SAXO5: variants seen among roughly 807,000 people sequenced by gnomAD.
SAXO5 encodes the protein testis expressed 45.
chr19:7,507,023 C>T, the SAXO5 span: 2 of 1,578,106 alleles, frequency 1.3e-6, no homozygotes, highest in East Asian at 2.2e-5. Context: ...CGGCCCACAG[C>T]CCTCACTCAG....
At chr19:7,503,469 G>C in the SAXO5 span, among the ~76,000 whole-genome samples, 89 of 151,928 alleles carry the variant, frequency 5.9e-4, no homozygotes, top group Middle Eastern at 3.4e-3. Context: ...GATATTATTG[G>C]GGTTTTTTTG....
chr19:7,505,301 A>G, the SAXO5 span: 15 of 1,607,564 alleles, frequency 9.3e-6, no homozygotes, highest in African/African-American at 1.3e-5. Flanking sequence ...CTTATTCTTG[A>G]TGGAATAATA....
the SAXO5 span, among the ~76,000 whole-genome samples, chr19:7,504,976 CT>C: frequency 5.6e-4 from 77 of 138,412 alleles, no homozygotes; most frequent in Admixed American, 1.1e-3. Flanking sequence ...TCTTCTTCTT[CT>C]TTTTTTTTTT....
the SAXO5 span, chr19:7,501,383 G>T: frequency 2.0e-6 from 3 of 1,502,024 alleles, no homozygotes; most frequent in South Asian, 1.3e-5. Flanking sequence ...AGCCTCGCGC[G>T]CCCAGTTGCC....
At chr19:7,506,250 C>G in the SAXO5 span, 1 of 1,059,038 alleles carries the variant, frequency 9.4e-7, no homozygotes. Context: ...TGGAGCCCCT[C>G]CCCATGGAGC....
the SAXO5 span, chr19:7,501,342 G>A: frequency 1.9e-6 from 3 of 1,560,382 alleles, no homozygotes; most frequent in Admixed American, 1.8e-5. Flanking sequence ...CACGCACCAG[G>A]CGCTCTTTCC....
At chr19:7,507,078 C>T in the SAXO5 span, 1 of 1,614,054 alleles carries the variant, frequency 6.2e-7, no homozygotes, top group African/African-American at 1.3e-5. Context: ...TAACCATGAA[C>T]CAGAAGATGC....
chr19:7,506,185 C>T, the SAXO5 span: 1 of 1,569,426 alleles, frequency 6.4e-7, no homozygotes, highest in Non-Finnish European at 8.6e-7. Flanking sequence ...CCCGGGAAGC[C>T]CCGCCCCATG....
At chr19:7,506,005 T>C in the SAXO5 span, 3 of 1,598,694 alleles carry the variant, frequency 1.9e-6, no homozygotes, top group African/African-American at 4.0e-5. Flanking sequence ...ACGTGCCTCA[T>C]GAGAAATTGC....
At chr19:7,501,220 G>C in the SAXO5 span, 4 of 1,546,936 alleles carry the variant, frequency 2.6e-6, no homozygotes, top group African/African-American at 5.7e-5. Flanking sequence ...GCCGCCTACG[G>C]CTGGCCCGAG....
the SAXO5 span, chr19:7,505,815 A>G: frequency 1.5e-5 from 14 of 949,384 alleles, no homozygotes; most frequent in East Asian, 2.6e-5. Flanking sequence ...GTAAAATGAG[A>G]TAAGAGTACC....
the SAXO5 span, chr19:7,506,906 C>G: frequency 3.2e-6 from 2 of 625,654 alleles, no homozygotes; most frequent in African/African-American, 3.7e-5. Flanking sequence ...TGGCTCCTCC[C>G]TCCCCCCTCT....
chr19:7,501,441 T>C, the SAXO5 span: 1 of 1,437,460 alleles, frequency 7.0e-7, no homozygotes, highest in East Asian at 2.7e-5. Flanking sequence ...TGCTTCACAT[T>C]GTGGTTCTCA....
At chr19:7,505,753 T>A in the SAXO5 span, 1 of 1,022,514 alleles carries the variant, frequency 9.8e-7, no homozygotes, top group Non-Finnish European at 1.4e-6. Flanking sequence ...TGTACTTGAG[T>A]GATCTAGGGC....
chr19:7,501,456 G>C, the SAXO5 span: 34 of 1,409,466 alleles, frequency 2.4e-5, no homozygotes, highest in Non-Finnish European at 3.0e-5. Flanking sequence ...TTCTCAAACA[G>C]GGGCAAGGGC....
chr19:7,498,035 C>T, the SAXO5 span, among the ~76,000 whole-genome samples: 5 of 151,626 alleles, frequency 3.3e-5, no homozygotes, highest in African/African-American at 1.2e-4. Context: ...CCTACAGTCC[C>T]AGCTACTCTG....
the SAXO5 span, among the ~76,000 whole-genome samples, chr19:7,503,149 G>A: frequency 5.5e-4 from 83 of 152,104 alleles, no homozygotes; most frequent in African/African-American, 1.9e-3. Flanking sequence ...GATCACTTGC[G>A]GCCAGGAGTT....
chr19:7,506,898 GCTCCTCC>G, the SAXO5 span: 1 of 580,814 alleles, frequency 1.7e-6, no homozygotes, highest in Non-Finnish European at 3.1e-6. Flanking sequence ...TCCTTCTTTG[GCTCCTCC>G]CTCCCCCCTC....
the SAXO5 span, chr19:7,507,188 T>C: frequency 1.2e-4 from 174 of 1,507,040 alleles, 1 homozygote; most frequent in South Asian, 5.3e-4. Context: ...AACCCCCACA[T>C]TGGTGTAGAG....
Sources: allele counts gnomAD v4.1 joint callset (sites outside exome capture counted in the v4.1 genomes callset), GRCh38; gene constraint gnomAD v4.1.1; transcripts MANE v1.5; gene names NCBI Gene and HGNC (gene_info 2026-07-23, HGNC 2026-07-21).